Variants in SEMA3A observed in about 807,000 individuals in gnomAD.
SEMA3A encodes semaphorin-3A.
A neutral mutation model predicts 97.9 loss-of-function variants in SEMA3A; 29 were observed. That is an observed-to-expected ratio of 0.30 (90% CI 0.22 to 0.40). SEMA3A has a LOEUF of 0.40. Among genes scored for constraint, SEMA3A ranks in the 10% least tolerant of loss-of-function variants. The pLI is 1.00. For missense variants in SEMA3A, 763 were observed against 951.3 expected, an observed-to-expected ratio of 0.80 and a Z score of 2.60; for synonymous variants, 321 against 323.7, an observed-to-expected ratio of 0.99 and a Z score of 0.09.
At chr7:84,435,254 T>TAC (rs34631045) in intron 1 of SEMA3A, among the ~76,000 whole-genome samples, 21,936 of 148,062 alleles carry the variant, frequency 0.15, 2,089 homozygotes, top group African/African-American at 0.27. Flanking sequence ...GTACAACAGC[T>TAC]ACACACACAC....
intron 3 of SEMA3A, among the ~76,000 whole-genome samples, chr7:84,117,281 T>A (rs1477871960): frequency 6.6e-6 from 1 of 152,150 alleles, no homozygotes; most frequent in Non-Finnish European, 1.5e-5. Context: ...TGATATGTAG[T>A]AAAGATGTTA....
intron 1 of SEMA3A, among the ~76,000 whole-genome samples, chr7:84,384,306 T>A (rs992568222): frequency 1.3e-5 from 2 of 152,170 alleles, no homozygotes; most frequent in Admixed American, 6.5e-5. Flanking sequence ...AATTCTACTA[T>A]TGTGGCTTCT....
intron 1 of SEMA3A, among the ~76,000 whole-genome samples, chr7:84,399,923 G>T (rs1803852606): frequency 6.6e-6 from 1 of 152,226 alleles, no homozygotes; most frequent in South Asian, 2.1e-4. Flanking sequence ...AGGCATCTTA[G>T]CATAGAGAGA....
intron 3 of SEMA3A, among the ~76,000 whole-genome samples, chr7:84,255,634 C>T (rs572236120): frequency 3.9e-5 from 6 of 152,122 alleles, no homozygotes; most frequent in Admixed American, 3.9e-4. Flanking sequence ...TCTCTGTGTT[C>T]TTGTCATATT....
chr7:84,238,628 T>G (rs972270711), intron 3 of SEMA3A, among the ~76,000 whole-genome samples: 5 of 152,190 alleles, frequency 3.3e-5, no homozygotes, highest in African/African-American at 1.2e-4. Flanking sequence ...TCTGAAACAA[T>G]TTTAAATAAT....
chr7:83,968,833 AAG>A (rs1211952102), intron 15 of SEMA3A, among the ~76,000 whole-genome samples: 1 of 129,602 alleles, frequency 7.7e-6, no homozygotes, highest in Non-Finnish European at 1.6e-5. Context: ...TTTTTGGAGA[AAG>A]AGTCTCACTC....
intron 6 of SEMA3A, among the ~76,000 whole-genome samples, chr7:84,027,894 G>A (rs1791605645): frequency 6.6e-6 from 1 of 152,140 alleles, no homozygotes; most frequent in African/African-American, 2.4e-5. Flanking sequence ...TATCTTTATT[G>A]TTATCCCATG....
intron 15 of SEMA3A, among the ~76,000 whole-genome samples, chr7:83,971,396 C>T (rs1321046112): frequency 2.0e-5 from 3 of 149,846 alleles, no homozygotes; most frequent in African/African-American, 4.9e-5. Context: ...TGTGCTATTG[C>T]ACTCCAGCTT....
chr7:84,049,636 G>A (rs4355720), intron 5 of SEMA3A, among the ~76,000 whole-genome samples: 94,215 of 151,804 alleles, frequency 0.62, 29,659 homozygotes, highest in Non-Finnish European at 0.67. Flanking sequence ...AAAAATGCCT[G>A]TTCAGCAAAC....
At chr7:84,335,275 A>G (rs1214785955) in intron 2 of SEMA3A, among the ~76,000 whole-genome samples, 1 of 152,156 alleles carries the variant, frequency 6.6e-6, no homozygotes, top group Non-Finnish European at 1.5e-5. Flanking sequence ...AATGGACTAC[A>G]CTACTTTTAT....
Position 84,081,244 on chromosome 7 carries a change from TTA to T in SEMA3A, c.454-20688_454-20687del, listed in dbSNP as rs147969475. Among the ~76,000 whole-genome samples the T allele has an allele frequency of 1.2e-3, 184 of 151,896 alleles. No individual in the cohort carries two copies. The East Asian group carries it at 0.014, about 12-fold the overall frequency. ...GATAGGCAAGAAAAATTGGGCAAAT[TTA>T]TGTTTTCTAGCTGTCTAGGCACTAT... is the stretch of plus-strand genomic sequence containing the variant. On this transcript the variant is annotated intron_variant, in intron 4 of 16. Coordinates refer to ENST00000265362, the MANE Select transcript of SEMA3A (RefSeq NM_006080.3).
chr7:84,368,981 C>T (rs181358708), intron 2 of SEMA3A, among the ~76,000 whole-genome samples: 1 of 150,724 alleles, frequency 6.6e-6, no homozygotes, highest in African/African-American at 2.4e-5. Flanking sequence ...ATATATCCAG[C>T]CCAAAAACTG....
chr7:83,998,320 T>C (rs912461055), intron 12 of SEMA3A, among the ~76,000 whole-genome samples: 17 of 152,198 alleles, frequency 1.1e-4, no homozygotes, highest in Admixed American at 7.2e-4. Context: ...CTGAATATTT[T>C]AGGCAATGAT....
At chr7:84,318,248 AAC>A (rs1043370222) in intron 2 of SEMA3A, among the ~76,000 whole-genome samples, 4 of 151,962 alleles carry the variant, frequency 2.6e-5, no homozygotes, top group Non-Finnish European at 5.9e-5. Context: ...ATAATTTTGA[AAC>A]ACAGTTTAAA....
chr7:83,980,457 T>G, intron 14 of SEMA3A, among the ~76,000 whole-genome samples: 1 of 150,902 alleles, frequency 6.6e-6, no homozygotes, highest in African/African-American at 2.4e-5. Flanking sequence ...ATACAAAAAT[T>G]AGCTGGGCAT....
rs202038348 is a variant in SEMA3A, at chr7:83,963,137, A to G, written c.1860+68T>C. 12 of 1,553,162 alleles carry G rather than the reference A, an allele frequency of 7.7e-6. No individual in the cohort carries two copies. In the Admixed American group the frequency reaches 2.0e-4, roughly 26 times the overall value. ...CAGTGCTTTTTCTTTCCTCAAGTGAAAAATACAAGGATTACATTTAACAGT... is the reference window on the plus strand; with the variant it reads ...CAGTGCTTTTTCTTTCCTCAAGTGAGAAATACAAGGATTACATTTAACAGT... On this transcript the variant is annotated intron_variant, in intron 16 of 16. Coordinates refer to ENST00000265362, the MANE Select transcript of SEMA3A (RefSeq NM_006080.3).
chr7:84,228,873 G>A (rs181960660), intron 3 of SEMA3A, among the ~76,000 whole-genome samples: 2 of 152,094 alleles, frequency 1.3e-5, no homozygotes, highest in Admixed American at 6.6e-5. Context: ...TTGAAGACCT[G>A]TAATACCTCA....
Position 84,461,801 on chromosome 7 carries a change from A to G in SEMA3A, c.-246+30659T>C, listed in dbSNP as rs185247645. 2.8e-3 allele frequency among the ~76,000 whole-genome samples: 434 copies of G among 152,326 alleles called. 2 individuals carry two copies. The highest frequency in any genetic ancestry group is 5.0e-3 in the Non-Finnish European group (342 of 67,998). ...AAGTGGATTTGTTTCATGCTTATGT[A>G]CAACAAATTTAAGATTTATTCTATT... On this transcript the variant is annotated intron_variant, in intron 1 of 3. Transcript: ENST00000424555.
At chr7:84,319,727 T>G (rs952171972) in intron 2 of SEMA3A, among the ~76,000 whole-genome samples, 1 of 152,212 alleles carries the variant, frequency 6.6e-6, no homozygotes, top group Non-Finnish European at 1.5e-5. Flanking sequence ...TTTGTAAATC[T>G]TAAAATCTCA....
Sources: allele counts gnomAD v4.1 joint callset (sites outside exome capture counted in the v4.1 genomes callset), GRCh38; gene constraint gnomAD v4.1.1; transcripts MANE v1.5; gene names NCBI Gene and HGNC (gene_info 2026-07-23, HGNC 2026-07-21).